Variants in NADK2 observed in about 807,000 individuals in gnomAD.
The protein encoded by NADK2 is NAD kinase 2, mitochondrial.
NADK2 carries 35 observed loss-of-function variants against 62.1 expected under a neutral mutation model. The ratio of observed to expected loss-of-function variants is 0.56; its 90% CI spans 0.43 to 0.75. The LOEUF is 0.75. Ranked by LOEUF, NADK2 falls within the 30% of genes least tolerant of loss-of-function variation. NADK2 has a pLI of 0.00. For synonymous variants in NADK2, 205 were observed against 207.9 expected, an observed-to-expected ratio of 0.99 and a Z score of 0.12; for missense variants, 439 against 561.3, an observed-to-expected ratio of 0.78 and a Z score of 2.20.
At chr5:36,225,338 A>C (rs1208480184) in intron 4 of NADK2, among the ~76,000 whole-genome samples, 1 of 152,162 alleles carries the variant, frequency 6.6e-6, no homozygotes, top group East Asian at 1.9e-4. Flanking sequence ...CCACTTAGAC[A>C]CCATACACCT....
chr5:36,216,989 C>A (rs915468250), intron 6 of NADK2, among the ~76,000 whole-genome samples: 9 of 151,890 alleles, frequency 5.9e-5, no homozygotes, highest in African/African-American at 1.9e-4. Flanking sequence ...AACATGCTAA[C>A]CTATTAAGCT....
rs1369217801 is a variant in NADK2, at chr5:36,205,161, C to A, written c.956+2009G>T. 2.0e-5 allele frequency among the ~76,000 whole-genome samples: 3 copies of A among 151,720 alleles called. No homozygotes were observed. Among genetic ancestry groups the A allele is most frequent in the Non-Finnish European group, 4.4e-5 (3 of 67,918 alleles). On this transcript the variant is annotated intron_variant, in intron 8 of 11. Transcript: ENST00000381937. This position sits in a 1 kb window ranked among gnomAD's most constrained non-coding sequence, Gnocchi z 4.1. ...AACCCCTCTAGTCGCCATCCCAAATCCATAAAGTTGCTTTAACTAGCTGGG... is the reference window on the plus strand; with the variant it reads ...AACCCCTCTAGTCGCCATCCCAAATACATAAAGTTGCTTTAACTAGCTGGG...
At chr5:36,200,365 GC>G in intron 9 of NADK2, 85 bp from the exon 10 acceptor site, 1 of 747,482 alleles carries the variant, frequency 1.3e-6, no homozygotes, top group Non-Finnish European at 1.9e-6. Context: ...GGGGAAAAAT[GC>G]TTAAAGTGTA....
At chr5:36,211,320 T>G (rs1462678218) in intron 7 of NADK2, among the ~76,000 whole-genome samples, 3 of 152,196 alleles carry the variant, frequency 2.0e-5, no homozygotes, top group Non-Finnish European at 4.4e-5. Context: ...TATGTTCTTC[T>G]GCCGTGGCTT....
chr5:36,235,418 T>C (rs998727700), intron 1 of NADK2, among the ~76,000 whole-genome samples: 4 of 152,216 alleles, frequency 2.6e-5, no homozygotes, highest in African/African-American at 9.6e-5. Flanking sequence ...TTATGTAAAT[T>C]GTAAATTATT....
intron 1 of NADK2, among the ~76,000 whole-genome samples, chr5:36,238,869 A>G (rs1227486860): frequency 6.6e-6 from 1 of 152,240 alleles, no homozygotes; most frequent in Non-Finnish European, 1.5e-5. Context: ...GACTAGCTTG[A>G]AGGTTGTAAA....
At chr5:36,200,095 T>TA (rs1746379272) in intron 10 of NADK2, 132 bp downstream of exon 10, 1 of 476,622 alleles carries the variant, frequency 2.1e-6, no homozygotes, top group South Asian at 5.6e-5. Flanking sequence ...TAAAGACATT[T>TA]AAGGGGATAT....
At chr5:36,202,329 T>G (rs768551268) in intron 8 of NADK2, among the ~76,000 whole-genome samples, 1 of 152,026 alleles carries the variant, frequency 6.6e-6, no homozygotes, top group Non-Finnish European at 1.5e-5. Context: ...TTAAGTCTGG[T>G]AGGGCAGCAT....
chr5:36,232,000 TACAG>T (rs59587354), intron 1 of NADK2, among the ~76,000 whole-genome samples: 3,558 of 152,220 alleles, frequency 0.023, 140 homozygotes, highest in African/African-American at 0.081. Flanking sequence ...CCATGAGATC[TACAG>T]ACAGACAGAC....
chr5:36,195,306 T>A lies in NADK2; in HGVS notation c.1191-24A>T, dbSNP rs551194961. 2.8e-5 allele frequency: 44 copies of A among 1,582,776 alleles called. No homozygotes were observed. The Middle Eastern group carries it at 1.2e-3, about 43-fold the overall frequency. ...CCCTAGGCAGAAGGAAATATCTCAT[T>A]AAATAGTAATAGTTTTCTTAATAGG... On this transcript the variant is annotated intron_variant, in intron 11 of 11. Transcript: ENST00000381937.
chr5:36,227,026 C>T (rs897542973), intron 2 of NADK2, among the ~76,000 whole-genome samples: 8 of 152,224 alleles, frequency 5.3e-5, no homozygotes, highest in African/African-American at 1.2e-4. Flanking sequence ...CTTTGTAATT[C>T]GCATGTTTCT....
In NADK2 at chr5:36,237,891, T is replaced by C. The variant is rs181378848; in HGVS notation, c.300+3608A>G. Reference sequence around the variant, plus strand: ...GAATTCTCCACAAACTGAGTCAGAGTCTTGCGGGGCTAAGGTTCAGGTGTC... The same window carrying C: ...GAATTCTCCACAAACTGAGTCAGAGCCTTGCGGGGCTAAGGTTCAGGTGTC... On this transcript the variant is annotated intron_variant, in intron 1 of 11. Transcript: ENST00000381937. Among the ~76,000 whole-genome samples the C allele has an allele frequency of 1.1e-4, 16 of 152,186 alleles. No homozygotes were observed. The East Asian group carries it at 2.7e-3, about 26-fold the overall frequency.
At chr5:36,201,061 C>T (rs1463038271) in intron 9 of NADK2, 45 bp downstream of exon 9, 3 of 1,555,264 alleles carry the variant, frequency 1.9e-6, no homozygotes, top group Admixed American at 1.7e-5. Flanking sequence ...AACTTGTCCC[C>T]TGCGGATAAG....
chr5:36,241,311 C>A lies in NADK2; in HGVS notation c.300+188G>T. ...CCTCTCCCCGGCCCTGCCTCTCCCT[C>A]GCACACACGCCCAAAGGCAAAGGAG... On this transcript the variant is annotated intron_variant, in intron 1 of 11. Coordinates refer to ENST00000381937, the MANE Select transcript of NADK2 (RefSeq NM_001085411.3). The surrounding 1 kb of genome is among the most constrained non-coding windows in gnomAD (Gnocchi z 4.9). 2.5e-6 allele frequency: 3 copies of A among 1,180,994 alleles called. No individual in the cohort carries two copies. Among genetic ancestry groups the A allele is most frequent in the Non-Finnish European group, 1.1e-6 (1 of 908,112 alleles). The allele number at this position is 1,180,994 out of a possible 1,614,324, so 73.2% of individuals were successfully genotyped here. A position where few individuals can be genotyped will look rare whatever the true frequency, so the allele number is the denominator to read the frequency against.
intron 4 of NADK2, among the ~76,000 whole-genome samples, chr5:36,224,165 T>C (rs948110434): frequency 2.0e-4 from 31 of 152,158 alleles, no homozygotes; most frequent in African/African-American, 7.2e-4. Flanking sequence ...CGCCAAGTGC[T>C]GAAGACTACA....
chr5:36,235,545 GATTGTGCTTTCA>G (rs1163104261), intron 1 of NADK2, among the ~76,000 whole-genome samples: 1 of 152,196 alleles, frequency 6.6e-6, no homozygotes, highest in African/African-American at 2.4e-5. Flanking sequence ...AAAGACATCA[GATTGTGCTTTCA>G]GGATCAAAAC....
chr5:36,227,647 T>C (rs937266142), intron 1 of NADK2, 82 bp from the exon 2 acceptor site: 8 of 658,778 alleles, frequency 1.2e-5, no homozygotes, highest in African/African-American at 3.8e-5. Flanking sequence ...AAAAGCCCCG[T>C]ATAAAATATA....
At chr5:36,233,935 G>A (rs1055373341) in intron 1 of NADK2, among the ~76,000 whole-genome samples, 4 of 152,126 alleles carry the variant, frequency 2.6e-5, no homozygotes, top group African/African-American at 9.7e-5. Context: ...TAGCAAAAAT[G>A]TTAAAGTCTA....
At chr5:36,240,219 C>A (rs1034207812) in intron 1 of NADK2, among the ~76,000 whole-genome samples, 2 of 152,136 alleles carry the variant, frequency 1.3e-5, no homozygotes, top group Admixed American at 6.5e-5. Context: ...CAAGTGTATT[C>A]TATAAACAGT....
Sources: gnomAD v4.1 joint callset for allele counts (sites outside exome capture counted in the v4.1 genomes callset) on GRCh38, gnomAD v4.1.1 for gene constraint, Gnocchi (gnomAD v3.1) non-coding constraint, MANE v1.5 for transcripts, NCBI Gene and HGNC (gene_info 2026-07-23, HGNC 2026-07-21) for gene names.